The following AGAP1 variants were observed in gnomAD, a reference collection of about 807,000 sequenced individuals.
AGAP1 encodes the protein ArfGAP with GTPase domain, ankyrin repeat and PH domain 1.
AGAP1 carries 29 observed loss-of-function variants against 105.3 expected under a neutral mutation model. The ratio of observed to expected loss-of-function variants is 0.28; its 90% CI spans 0.21 to 0.38. The LOEUF (loss-of-function observed/expected upper bound fraction) is 0.38, where lower values mean the gene tolerates loss of function less well. AGAP1 is among the 10% of genes least tolerant of loss of function. The probability of loss-of-function intolerance (pLI) is 1.00; values close to 1 mark genes in which losing one functional copy is unlikely to be tolerated. For synonymous variants in AGAP1, 509 were observed against 485.9 expected, an observed-to-expected ratio of 1.05 and a Z score of -0.63; for missense variants, 998 against 1,165.1, an observed-to-expected ratio of 0.86 and a Z score of 2.09.
chr2:235,765,810 A>G (rs886895573), intron 6 of AGAP1, among the ~76,000 whole-genome samples: 7 of 152,212 alleles, frequency 4.6e-5, no homozygotes, highest in Non-Finnish European at 8.8e-5. Flanking sequence ...GAACACCAAC[A>G]TAGTCATCTG....
chr2:235,629,594 C>T (rs897914505), intron 1 of AGAP1, among the ~76,000 whole-genome samples: 5 of 151,730 alleles, frequency 3.3e-5, no homozygotes, highest in East Asian at 1.9e-4. Context: ...AGGGGCCGGG[C>T]GCAGTGGCTC....
Position 235,888,749 on chromosome 2 carries a change from G to C in AGAP1, c.1155+5300G>C, listed in dbSNP as rs1455696544. On this transcript the variant is annotated intron_variant, in intron 10 of 17. Coordinates refer to ENST00000304032, the MANE Select transcript of AGAP1 (RefSeq NM_001037131.3). The surrounding 1 kb of genome is among the most constrained non-coding windows in gnomAD (Gnocchi z 4.8). ...GATAGAGGCAGGTACAGCATTTGTT[G>C]CTGTCGGGTAGAGCGGCCACCCACT... 2.0e-4 allele frequency among the ~76,000 whole-genome samples: 31 copies of C among 151,364 alleles called. No individual in the cohort carries two copies. The highest frequency in any genetic ancestry group is 2.0e-3 in the Admixed American group (31 of 15,208).
intron 10 of AGAP1, among the ~76,000 whole-genome samples, chr2:235,890,455 G>C (rs1384384160): frequency 1.3e-5 from 2 of 152,184 alleles, no homozygotes; most frequent in Admixed American, 6.5e-5. Context: ...CCCAGCTGTG[G>C]TTATTCCTAA....
intron 9 of AGAP1, among the ~76,000 whole-genome samples, chr2:235,839,349 G>T (rs2106383494): frequency 6.6e-6 from 1 of 152,368 alleles, no homozygotes; most frequent in Middle Eastern, 3.4e-3. Flanking sequence ...TCCGTCCACG[G>T]AGGGTCAGAG....
At chr2:235,545,447 T>C (rs1164866995) in intron 1 of AGAP1, among the ~76,000 whole-genome samples, 1 of 152,234 alleles carries the variant, frequency 6.6e-6, no homozygotes, top group Non-Finnish European at 1.5e-5. Context: ...TATAGGAAGT[T>C]TGAGACTGAG....
At chr2:235,827,700 C>T (rs546808759) in intron 9 of AGAP1, among the ~76,000 whole-genome samples, 16 of 152,318 alleles carry the variant, frequency 1.1e-4, no homozygotes, top group African/African-American at 3.6e-4. Context: ...GAATCGTCAC[C>T]GGCATTGAAC....
In AGAP1 at chr2:235,951,777, C is replaced by T. The variant is rs148429170; in HGVS notation, c.1484-16685C>T. ...CTTGGGCTGCAGATGAGTTACACCACACCAGTCTCCCAGTCCCATCACACA... is the reference window on the plus strand; with the variant it reads ...CTTGGGCTGCAGATGAGTTACACCATACCAGTCTCCCAGTCCCATCACACA... On this transcript the variant is annotated intron_variant, in intron 12 of 17. Coordinates refer to ENST00000304032, the MANE Select transcript of AGAP1 (RefSeq NM_001037131.3). The surrounding 1 kb of genome is among the most constrained non-coding windows in gnomAD (Gnocchi z 4.2). Among the ~76,000 whole-genome samples the T allele has an allele frequency of 1.3e-5, 2 of 152,296 alleles. No individual in the cohort carries two copies. Among genetic ancestry groups the T allele is most frequent in the East Asian group, 3.9e-4 (2 of 5,170 alleles).
At chr2:235,813,833 A>G (rs1048700950) in intron 9 of AGAP1, among the ~76,000 whole-genome samples, 2 of 152,188 alleles carry the variant, frequency 1.3e-5, no homozygotes, top group Admixed American at 1.3e-4. Context: ...GAATGAGTGC[A>G]ACGTTTAATG....
chr2:236,048,177 T>G (rs556897465), intron 15 of AGAP1, among the ~76,000 whole-genome samples: 6 of 152,322 alleles, frequency 3.9e-5, no homozygotes, highest in African/African-American at 1.4e-4. Flanking sequence ...CCAGTGACTA[T>G]CAAGGTCAAC....
chr2:236,059,019 G>A (rs1241127611), intron 16 of AGAP1, among the ~76,000 whole-genome samples: 2 of 152,054 alleles, frequency 1.3e-5, no homozygotes, highest in Non-Finnish European at 2.9e-5. Flanking sequence ...AACAGAGCAA[G>A]ACTCTGACTC....
At chr2:235,717,842 A>G (rs2149548647) in intron 3 of AGAP1, among the ~76,000 whole-genome samples, 198 bp downstream of exon 3, 1 of 152,364 alleles carries the variant, frequency 6.6e-6, no homozygotes, top group African/African-American at 2.4e-5. Context: ...GATATCTGGA[A>G]TAGCGCAGTA....
intron 1 of AGAP1, chr2:235,670,149 C>T (rs1948302553): frequency 1.7e-6 from 1 of 581,684 alleles, no homozygotes; most frequent in South Asian, 1.8e-5. Flanking sequence ...CCCGCGGACG[C>T]GATGCCGCGC....
At chr2:235,955,678 A>G (rs1225692142) in intron 12 of AGAP1, among the ~76,000 whole-genome samples, 3 of 152,122 alleles carry the variant, frequency 2.0e-5, no homozygotes, top group African/African-American at 7.2e-5. Context: ...CTCACAACCA[A>G]ATTGCCTCTT....
At chr2:235,827,236 C>T (rs1959121677) in intron 9 of AGAP1, among the ~76,000 whole-genome samples, 1 of 152,144 alleles carries the variant, frequency 6.6e-6, no homozygotes, top group South Asian at 2.1e-4. Context: ...TGTGAGTTAA[C>T]ATTGCTGTTT....
In AGAP1 at chr2:235,739,993, G is replaced by A. The variant is rs866952161; in HGVS notation, c.311-970G>A. Among the ~76,000 whole-genome samples the A allele has an allele frequency of 3.3e-5, 5 of 152,288 alleles. No homozygotes were observed. Among genetic ancestry groups the A allele is most frequent in the Middle Eastern group, 3.4e-3 (1 of 294 alleles). Reference sequence around the variant, plus strand: ...CTGGACGGCATCTGCACAGAGGAGCGGAAGACAAGAGCTGGGAACCGATGC... The same window carrying A: ...CTGGACGGCATCTGCACAGAGGAGCAGAAGACAAGAGCTGGGAACCGATGC... On this transcript the variant is annotated intron_variant, in intron 3 of 17. Coordinates refer to ENST00000304032, the MANE Select transcript of AGAP1 (RefSeq NM_001037131.3). This position sits in a 1 kb window ranked among gnomAD's most constrained non-coding sequence, Gnocchi z 5.3.
chr2:235,826,848 A>G (rs910021563), intron 9 of AGAP1, among the ~76,000 whole-genome samples: 9 of 152,202 alleles, frequency 5.9e-5, no homozygotes, highest in African/African-American at 1.9e-4. Flanking sequence ...TTTTCTCCAC[A>G]GAATGTTTCT....
intron 16 of AGAP1, among the ~76,000 whole-genome samples, chr2:236,107,151 A>G (rs184976358): frequency 4.5e-4 from 67 of 148,850 alleles, no homozygotes; most frequent in African/African-American, 1.6e-3. Context: ...CGGAACCTCA[A>G]ACTTCAGAGG....
rs765627831 is a variant in AGAP1, at chr2:235,901,825, G to C, written c.1156-6913G>C. On this transcript the variant is annotated intron_variant, in intron 10 of 17. Coordinates refer to ENST00000304032, the MANE Select transcript of AGAP1 (RefSeq NM_001037131.3). This position sits in a 1 kb window ranked among gnomAD's most constrained non-coding sequence, Gnocchi z 4.3. ...ACCCAGGAGACAGAAATTGCAGTGA[G>C]CCGAGATCACACCACTGTACTCCAG... Among the ~76,000 whole-genome samples, 1 of 149,600 alleles carries C rather than the reference G, an allele frequency of 6.7e-6. No individual in the cohort carries two copies. The highest frequency in any genetic ancestry group is 1.5e-5 in the Non-Finnish European group (1 of 67,430).
intron 1 of AGAP1, among the ~76,000 whole-genome samples, chr2:235,686,471 A>G (rs1032659441): frequency 2.0e-5 from 3 of 150,444 alleles, no homozygotes; most frequent in Admixed American, 6.6e-5. Flanking sequence ...CTTGTAGCCA[A>G]ACCTAGGTAT....
Sources: gnomAD v4.1 joint callset for allele counts (sites outside exome capture counted in the v4.1 genomes callset) on GRCh38, gnomAD v4.1.1 for gene constraint, Gnocchi (gnomAD v3.1) non-coding constraint, MANE v1.5 for transcripts, NCBI Gene and HGNC (gene_info 2026-07-23, HGNC 2026-07-21) for gene names.